SH3BGR: variants seen among roughly 807,000 people sequenced by gnomAD.
SH3BGR encodes the protein SH3 domain binding glutamate rich protein.
SH3BGR carries 29 observed loss-of-function variants against 24.5 expected under a neutral mutation model. The observed-to-expected ratio is 1.18, with a 90% CI of 0.88 to 1.61. The LOEUF is 1.61. Ranked by LOEUF, SH3BGR falls within the 40% of genes most tolerant of loss-of-function variation. The pLI is 0.00. For missense variants in SH3BGR, 162 were observed against 205.8 expected, an observed-to-expected ratio of 0.79 and a Z score of 1.30; for synonymous variants, 55 against 65.7, an observed-to-expected ratio of 0.84 and a Z score of 0.79.
chr21:39,507,799 A>G (rs1342458684), intron 4 of SH3BGR, among the ~76,000 whole-genome samples: 1 of 151,846 alleles, frequency 6.6e-6, no homozygotes, highest in Non-Finnish European at 1.5e-5. Context: ...AACATGTTTC[A>G]TAGAGATGGG....
chr21:39,499,770 T>C, intron 3 of SH3BGR, 53 bp from the exon 4 acceptor site: 1 of 1,373,566 alleles, frequency 7.3e-7, no homozygotes, highest in Non-Finnish European at 1.0e-6. Flanking sequence ...GCCTGTTTTT[T>C]TTTTTCTTTT....
chr21:39,481,729 A>G (rs2078133554), intron 3 of SH3BGR, among the ~76,000 whole-genome samples: 1 of 152,246 alleles, frequency 6.6e-6, no homozygotes, highest in Non-Finnish European at 1.5e-5. Flanking sequence ...ACTAGAATCT[A>G]TAATTCATAC....
chr21:39,491,698 C>A, intron 3 of SH3BGR: 1 of 225,072 alleles, frequency 4.4e-6, no homozygotes, highest in Non-Finnish European at 9.3e-6. Context: ...AACTTCATAT[C>A]CAGCTTGGGA....
chr21:39,482,193 G>C (rs2078140879), intron 3 of SH3BGR, among the ~76,000 whole-genome samples: 1 of 152,152 alleles, frequency 6.6e-6, no homozygotes, highest in African/African-American at 2.4e-5. Context: ...AGGAAGAGGA[G>C]CAAGTTAAAT....
intron 1 of SH3BGR, among the ~76,000 whole-genome samples, chr21:39,455,668 T>C (rs2077643139): frequency 6.6e-6 from 1 of 152,158 alleles, no homozygotes; most frequent in South Asian, 2.1e-4. Context: ...GGCACAGGGG[T>C]GCAGCAAGAC....
At chr21:39,505,649 C>T (rs1002973314) in intron 4 of SH3BGR, among the ~76,000 whole-genome samples, 11 of 152,082 alleles carry the variant, frequency 7.2e-5, no homozygotes, top group African/African-American at 2.4e-4. Flanking sequence ...CCTGTAATCC[C>T]AGCTCCTTGG....
Position 39,464,956 on chromosome 21 carries a change from T to A in SH3BGR, c.231+2396T>A, listed in dbSNP as rs1202910990. 2.0e-5 allele frequency among the ~76,000 whole-genome samples: 3 copies of A among 152,196 alleles called. No individual in the cohort carries two copies. In the East Asian group the frequency reaches 5.8e-4, roughly 29 times the overall value. On this transcript the variant is annotated intron_variant, in intron 2 of 6. Transcript: ENST00000333634. ...TAAGGTGATTCAAAATGGTATCTAG[T>A]GAAAATTATTCCCCTCCATTTCTAT... is the stretch of plus-strand genomic sequence containing the variant.
chr21:39,451,052 C>T (rs1028449745), upstream of SH3BGR, among the ~76,000 whole-genome samples: 1 of 152,132 alleles, frequency 6.6e-6, no homozygotes, highest in Non-Finnish European at 1.5e-5. Flanking sequence ...AACTTCTGGG[C>T]TCACACAATC....
Position 39,456,589 on chromosome 21 carries a change from T to C in SH3BGR, c.45+4448T>C, listed in dbSNP as rs184777152. ...TTTCCGTGTGGGGTAGCAGTTTCCA[T>C]GCGGGGTAGCAGATTCCATGCGGGG... On this transcript the variant is annotated intron_variant, in intron 1 of 6. Coordinates refer to ENST00000333634, the MANE Select transcript of SH3BGR (RefSeq NM_007341.3). Among the ~76,000 whole-genome samples the C allele has an allele frequency of 1.1e-4, 16 of 152,036 alleles. 1 individual carries two copies. Among genetic ancestry groups the C allele is most frequent in the African/African-American group, 3.4e-4 (14 of 41,430 alleles).
chr21:39,491,615 T>C, intron 3 of SH3BGR: 1 of 233,186 alleles, frequency 4.3e-6, no homozygotes, highest in Non-Finnish European at 8.9e-6. Context: ...GTTCGGTCCT[T>C]GCAAGCTTCA....
intron 3 of SH3BGR, among the ~76,000 whole-genome samples, chr21:39,497,642 A>C (rs2078421427): frequency 1.3e-5 from 2 of 152,150 alleles, no homozygotes; most frequent in South Asian, 4.1e-4. Context: ...AATGTCTACA[A>C]AAAAGAAAAA....
chr21:39,511,490 G>A lies in SH3BGR; in HGVS notation c.436-190G>A, dbSNP rs1287890882. Among the ~76,000 whole-genome samples, 1 of 148,902 alleles carries A rather than the reference G, an allele frequency of 6.7e-6. No homozygotes were observed. The highest frequency in any genetic ancestry group is 1.5e-5 in the Non-Finnish European group (1 of 66,942). On this transcript the variant is annotated intron_variant, in intron 5 of 6. Coordinates refer to ENST00000333634, the MANE Select transcript of SH3BGR (RefSeq NM_007341.3). The surrounding 1 kb of genome is among the most constrained non-coding windows in gnomAD (Gnocchi z 4.2). ...GTGTGTTTGGGCGGTATGTGTGTGG[G>A]GTGTGTGTGTGGCATGTGTTTGTGT...
At chr21:39,464,760 C>A (rs751497308) in intron 2 of SH3BGR, among the ~76,000 whole-genome samples, 2 of 152,200 alleles carry the variant, frequency 1.3e-5, no homozygotes, top group Admixed American at 6.5e-5. Flanking sequence ...CTACCCACAT[C>A]TTCCCCACCT....
At chr21:39,491,895 T>C (rs2078305423) in intron 3 of SH3BGR, 1 of 155,682 alleles carries the variant, frequency 6.4e-6, no homozygotes, top group East Asian at 1.9e-4. Flanking sequence ...CTTTTATTTG[T>C]CATCTTGGAG....
intron 5 of SH3BGR, among the ~76,000 whole-genome samples, chr21:39,509,761 C>T (rs1214111889): frequency 6.6e-6 from 1 of 151,948 alleles, no homozygotes; most frequent in East Asian, 1.9e-4. Flanking sequence ...AGGTGTGAGC[C>T]ACTGCACTGG....
chr21:39,464,772 C>T (rs903851782), intron 2 of SH3BGR, among the ~76,000 whole-genome samples: 2 of 152,158 alleles, frequency 1.3e-5, no homozygotes, highest in African/African-American at 4.8e-5. Context: ...TCCCCACCTT[C>T]CTTTACCTGA....
At chr21:39,450,820 A>T (rs1300966463), upstream of SH3BGR, among the ~76,000 whole-genome samples, 1 of 152,018 alleles carries the variant, frequency 6.6e-6, no homozygotes, top group Non-Finnish European at 1.5e-5. Flanking sequence ...TGTTTTAGAG[A>T]TAAGGTCTTG....
intron 3 of SH3BGR, among the ~76,000 whole-genome samples, chr21:39,479,055 C>T (rs1842751801): frequency 6.6e-6 from 1 of 152,096 alleles, no homozygotes; most frequent in Non-Finnish European, 1.5e-5. Context: ...GTTTGGTGAT[C>T]TTTGACTGTT....
intron 3 of SH3BGR, among the ~76,000 whole-genome samples, chr21:39,487,881 C>T (rs1252045564): frequency 6.6e-6 from 1 of 152,198 alleles, no homozygotes; most frequent in Non-Finnish European, 1.5e-5. Flanking sequence ...GGACAGAGGA[C>T]AGGCGACTTC....
Sources: allele counts gnomAD v4.1 joint callset (sites outside exome capture counted in the v4.1 genomes callset), GRCh38; gene constraint gnomAD v4.1.1; non-coding constraint Gnocchi (gnomAD v3.1); transcripts MANE v1.5; gene names NCBI Gene and HGNC (gene_info 2026-07-23, HGNC 2026-07-21).